The following USH2A variants were observed in gnomAD, a reference collection of about 807,000 sequenced individuals.
USH2A encodes the protein Usher syndrome 2A (autosomal recessive, mild).
In USH2A, 443 loss-of-function variants were observed where a neutral mutation model predicts 538.9. That is an observed-to-expected ratio of 0.82 (90% CI 0.76 to 0.89). The LOEUF (loss-of-function observed/expected upper bound fraction) is 0.89. Among genes scored for constraint, USH2A ranks in the 40% least tolerant of loss-of-function variants. The probability of loss-of-function intolerance (pLI) is 0.00; values close to 1 mark genes in which losing one functional copy is unlikely to be tolerated. For synonymous variants in USH2A, 2,413 were observed against 2,273.5 expected (o/e 1.06, Z -1.75); for missense variants, 6,633 against 6,324.8 (o/e 1.05, Z -1.65).
chr1:215,817,585 A>G (rs1327331977), intron 47 of USH2A, among the ~76,000 whole-genome samples: 1 of 151,992 alleles, frequency 6.6e-6, no homozygotes, highest in Non-Finnish European at 1.5e-5. Flanking sequence ...GAGTTGTGAT[A>G]TGAAACATAA....
chr1:215,760,883 A>T (rs1009564942), intron 56 of USH2A, among the ~76,000 whole-genome samples: 7 of 152,136 alleles, frequency 4.6e-5, no homozygotes, highest in African/African-American at 1.4e-4. Context: ...GGCCTTCCAT[A>T]TTCCATTGGA....
At chr1:216,041,608 A>G (rs1210360616) in intron 32 of USH2A, among the ~76,000 whole-genome samples, 1 of 152,078 alleles carries the variant, frequency 6.6e-6, no homozygotes, top group Non-Finnish European at 1.5e-5. Flanking sequence ...AAACCAAGTT[A>G]GTAGGGAAGT....
At chr1:216,224,689 C>T (rs2035526526) in intron 14 of USH2A, among the ~76,000 whole-genome samples, 1 of 151,904 alleles carries the variant, frequency 6.6e-6, no homozygotes, top group Non-Finnish European at 1.5e-5. Flanking sequence ...CTTGGGAATA[C>T]AAAAAACTGT....
chr1:216,149,355 T>C (rs1196656196), intron 21 of USH2A, among the ~76,000 whole-genome samples: 1 of 152,166 alleles, frequency 6.6e-6, no homozygotes, highest in African/African-American at 2.4e-5. Flanking sequence ...GGACCAGCCT[T>C]TACTAGCCAA....
intron 21 of USH2A, among the ~76,000 whole-genome samples, chr1:216,156,070 T>C (rs1346464496): frequency 4.6e-5 from 7 of 152,134 alleles, no homozygotes; most frequent in Non-Finnish European, 1.0e-4. Flanking sequence ...ATTTTCAATG[T>C]GATGGCCCTT....
chr1:216,011,962 T>A (rs2365633), intron 32 of USH2A, among the ~76,000 whole-genome samples: 1,672 of 101,156 alleles, frequency 0.017, 226 homozygotes, highest in African/African-American at 0.057. Context: ...CTCAGCCTGA[T>A]CACGCTTGAT....
rs1232885353 is a variant in USH2A, at chr1:215,900,197, G to T, written c.7472C>A (p.Ala2491Glu). The change falls in exon 40 of 72, where the codon GCA (alanine) becomes GAA (glutamate). Residue 2491 changes from alanine (A) to glutamate (E), a missense_variant. Coordinates refer to ENST00000307340, the MANE Select transcript of USH2A (RefSeq NM_206933.4). The part of the protein sequence containing the change: ...GFLELFSNPS[A>E]SLSYEVSDLQ... ...ATCACTCACTTCATAGCTTAACGAT[G>T]CAGAAGGATTGGAAAATAACCTGTA... 6.2e-7 allele frequency: 1 copy of T among 1,613,566 alleles called. No homozygotes were observed. Among genetic ancestry groups the T allele is most frequent in the Admixed American group, 1.7e-5 (1 of 59,960 alleles).
At chr1:215,865,315 A>G (rs1290993056) in intron 44 of USH2A, among the ~76,000 whole-genome samples, 1 of 152,196 alleles carries the variant, frequency 6.6e-6, no homozygotes, top group Non-Finnish European at 1.5e-5. Context: ...TGCATTACCT[A>G]CATCCCGAAG....
rs574879898 is a variant in USH2A, at chr1:216,310,151, G to A, written c.1644+11732C>T. Among the ~76,000 whole-genome samples the A allele has an allele frequency of 3.9e-5, 6 of 152,120 alleles. No homozygotes were observed. The South Asian group carries it at 1.2e-3, about 32-fold the overall frequency. ...ACCATTGACACTCAAAGTAGTTACT[G>A]GCATAGTTGGATTAATATCTACTAC... On this transcript the variant is annotated intron_variant, in intron 9 of 71. Coordinates refer to ENST00000307340, the MANE Select transcript of USH2A (RefSeq NM_206933.4).
intron 21 of USH2A, among the ~76,000 whole-genome samples, chr1:216,119,721 A>G (rs2102593060): frequency 6.6e-6 from 1 of 152,292 alleles, no homozygotes; most frequent in African/African-American, 2.4e-5. Context: ...CTCCTTCCAG[A>G]CTACCTTCTG....
intron 60 of USH2A, among the ~76,000 whole-genome samples, chr1:215,735,648 T>G (rs1217534117): frequency 6.6e-6 from 1 of 152,174 alleles, no homozygotes. Flanking sequence ...TATTTGGAGA[T>G]AAGCACTGCT....
chr1:215,867,803 A>T (rs183660632), intron 43 of USH2A, among the ~76,000 whole-genome samples: 1 of 152,364 alleles, frequency 6.6e-6, no homozygotes, highest in East Asian at 1.9e-4. Context: ...ACCGAATATT[A>T]CTTTGCAGAA....
intron 9 of USH2A, among the ~76,000 whole-genome samples, chr1:216,310,169 TCTA>T (rs1455449434): frequency 6.6e-6 from 1 of 152,150 alleles, no homozygotes; most frequent in Non-Finnish European, 1.5e-5. Context: ...TGGATTAATA[TCTA>T]CTACTTTTTA....
At chr1:216,138,893 T>C (rs911556609) in intron 21 of USH2A, among the ~76,000 whole-genome samples, 1 of 151,808 alleles carries the variant, frequency 6.6e-6, no homozygotes, top group Non-Finnish European at 1.5e-5. Flanking sequence ...TTGAAATGTA[T>C]ATATTTTTAA....
In USH2A at chr1:215,965,373, G is replaced by A. The variant is rs142628868; in HGVS notation, c.7064C>T (p.Pro2355Leu). ...AHVRWEAPFR[P>L]NGLLTHSVLF... ...GACTGAGTGTGTTAAGAGTCCATTA[G>A]GGCGAAAAGGTGCTTCCCACCTCAC... Residue 2355 changes from proline (P) to leucine (L), a missense_variant, in exon 37 of 72, where the codon CCT becomes CTT. Transcript: ENST00000307340. 1 of 1,613,772 alleles carries A rather than the reference G, an allele frequency of 6.2e-7. No homozygotes were observed. Among genetic ancestry groups the A allele is most frequent in the Admixed American group, 1.7e-5 (1 of 59,972 alleles).
intron 61 of USH2A, among the ~76,000 whole-genome samples, chr1:215,727,542 C>T (rs533408123): frequency 6.6e-6 from 1 of 152,178 alleles, no homozygotes; most frequent in African/African-American, 2.4e-5. Context: ...GCCTGGCCAA[C>T]ATGGTGAAAA....
intron 21 of USH2A, among the ~76,000 whole-genome samples, chr1:216,140,455 A>G (rs914665485): frequency 1.3e-5 from 2 of 152,208 alleles, no homozygotes; most frequent in South Asian, 4.1e-4. Context: ...TTTTCAATAA[A>G]TATTTGTTCA....
chr1:216,059,773 TTTGTTG>T (rs534792057), intron 30 of USH2A, among the ~76,000 whole-genome samples: 1 of 152,108 alleles, frequency 6.6e-6, no homozygotes. Flanking sequence ...CTGTTTTTTC[TTTGTTG>T]TTGTTGTTGT....
At chr1:216,085,497 G>A (rs373577483) in intron 24 of USH2A, among the ~76,000 whole-genome samples, 20 of 151,950 alleles carry the variant, frequency 1.3e-4, no homozygotes, top group African/African-American at 2.9e-4. Context: ...CACTGAGGTC[G>A]AATTTCACAC....
Sources: gnomAD v4.1 joint callset for allele counts (sites outside exome capture counted in the v4.1 genomes callset) on GRCh38, gnomAD v4.1.1 for gene constraint, MANE v1.5 for transcripts, NCBI Gene and HGNC (gene_info 2026-07-23, HGNC 2026-07-21) for gene names.